ANO1: variants seen among roughly 807,000 people sequenced by gnomAD.
The protein encoded by ANO1 is anoctamin 1.
A neutral mutation model predicts 124.0 loss-of-function variants in ANO1; 59 were observed. The ratio of observed to expected loss-of-function variants is 0.48; its 90% CI spans 0.39 to 0.59. ANO1 has a LOEUF of 0.59. Ranked by LOEUF, ANO1 falls within the 20% of genes least tolerant of loss-of-function variation. ANO1 has a pLI of 0.00. For missense variants in ANO1, 1,059 were observed against 1,328.0 expected (o/e 0.80, Z 3.15); for synonymous variants, 529 against 532.0 (o/e 0.99, Z 0.08).
intron 1 of ANO1, among the ~76,000 whole-genome samples, chr11:70,005,028 G>T (rs945912764): frequency 6.6e-6 from 1 of 151,360 alleles, no homozygotes; most frequent in Non-Finnish European, 1.5e-5. Context: ...CAGGAGAATT[G>T]CTAGAACCTG....
At chr11:70,006,181 A>T (rs1554999994) in intron 1 of ANO1, among the ~76,000 whole-genome samples, 1 of 152,106 alleles carries the variant, frequency 6.6e-6, no homozygotes, top group African/African-American at 2.4e-5. Context: ...CTGCAAGCCA[A>T]TTTCCCCACT....
At chr11:70,013,499 G>A (rs953356296) in intron 1 of ANO1, among the ~76,000 whole-genome samples, 2 of 152,114 alleles carry the variant, frequency 1.3e-5, no homozygotes, top group South Asian at 2.1e-4. Context: ...TCAGCTGGGC[G>A]TGGTGACTTA....
At chr11:69,991,951 C>T (rs758001547) in intron 1 of ANO1, among the ~76,000 whole-genome samples, 5 of 152,246 alleles carry the variant, frequency 3.3e-5, no homozygotes, top group Admixed American at 6.5e-5. Flanking sequence ...TGATGCCATG[C>T]GAGCTCAGCT....
rs186882590 is a variant in ANO1 at position 70,070,460 on chromosome 11, G to A, written c.59-8082G>A. Among the ~76,000 whole-genome samples the A allele has an allele frequency of 7.4e-4, 112 of 152,200 alleles. 1 individual carries two copies. Among genetic ancestry groups the A allele is most frequent in the African/African-American group, 2.5e-3 (104 of 41,540 alleles). On this transcript the variant is annotated intron_variant, in intron 1 of 27. Coordinates refer to the ANO1 transcript ENST00000531349. ...CACTTTGGGAGGCCAAGGTGGGCGG[G>A]TCACCTGAGGTCAGGAGTTCAAGAC...
upstream of ANO1, among the ~76,000 whole-genome samples, chr11:70,073,912 G>A (rs189878116): frequency 2.2e-4 from 30 of 134,036 alleles, no homozygotes; most frequent in African/African-American, 6.6e-4. Context: ...GGCAGTTTCC[G>A]AGCCCATGGA....
chr11:70,158,287 C>G (rs1221399063), intron 16 of ANO1, among the ~76,000 whole-genome samples: 1 of 152,208 alleles, frequency 6.6e-6, no homozygotes, highest in African/African-American at 2.4e-5. Flanking sequence ...CCCCCAAGTA[C>G]TCGGAGCCAG....
At chr11:70,097,424 G>A (rs1163510278) in intron 2 of ANO1, among the ~76,000 whole-genome samples, 1 of 152,220 alleles carries the variant, frequency 6.6e-6, no homozygotes, top group African/African-American at 2.4e-5. Context: ...GTGTGGACGT[G>A]ATCAGCAGTA....
At chr11:70,081,302 G>A (rs140964317) in intron 1 of ANO1, among the ~76,000 whole-genome samples, 4 of 152,290 alleles carry the variant, frequency 2.6e-5, no homozygotes, top group African/African-American at 9.6e-5. Flanking sequence ...TCCATGGTCT[G>A]GGATCTGTGT....
chr11:70,025,849 TG>T (rs1856891729), intron 1 of ANO1, among the ~76,000 whole-genome samples: 1 of 148,428 alleles, frequency 6.7e-6, no homozygotes, highest in Non-Finnish European at 1.5e-5. Flanking sequence ...ATGATGATGG[TG>T]GTGGTGATGG....
chr11:70,104,429 T>C (rs1204600686), intron 4 of ANO1, among the ~76,000 whole-genome samples: 1 of 152,084 alleles, frequency 6.6e-6, no homozygotes, highest in African/African-American at 2.4e-5. Flanking sequence ...AGACATGCCT[T>C]CCCACCCGCT....
chr11:70,000,121 T>C (rs1856353128), intron 1 of ANO1, among the ~76,000 whole-genome samples: 1 of 152,192 alleles, frequency 6.6e-6, no homozygotes, highest in African/African-American at 2.4e-5. Context: ...GTGAGGTCAC[T>C]TTTTGGATGG....
intron 2 of ANO1, among the ~76,000 whole-genome samples, chr11:70,090,133 G>C (rs1315278698): frequency 6.6e-6 from 1 of 152,134 alleles, no homozygotes; most frequent in Non-Finnish European, 1.5e-5. Flanking sequence ...GCCTTCTCCT[G>C]CCTCAGCGGG....
At chr11:70,029,205 C>G (rs1555003534) in intron 1 of ANO1, among the ~76,000 whole-genome samples, 1 of 152,218 alleles carries the variant, frequency 6.6e-6, no homozygotes, top group Non-Finnish European at 1.5e-5. Flanking sequence ...ACGAGCAGAG[C>G]CTTCCATGCC....
Position 70,161,007 on chromosome 11 carries a change from T to C in ANO1, c.1579-154T>C, listed in dbSNP as rs75066013. ...GGTGGGTTAATGCACAGAAAGCCCCTGGCATTTGGCAGGTGCCCAAGAAAT... is the reference window on the plus strand; with the variant it reads ...GGTGGGTTAATGCACAGAAAGCCCCCGGCATTTGGCAGGTGCCCAAGAAAT... On this transcript the variant is annotated intron_variant, in intron 16 of 25. Transcript: ENST00000355303. 3.7e-3 allele frequency among the ~76,000 whole-genome samples: 567 copies of C among 152,348 alleles called. 6 individuals carry two copies. Among genetic ancestry groups the C allele is most frequent in the African/African-American group, 0.013 (542 of 41,592 alleles).
chr11:70,102,065 A>C (rs1029019227), intron 2 of ANO1, among the ~76,000 whole-genome samples: 2 of 152,228 alleles, frequency 1.3e-5, no homozygotes, highest in Non-Finnish European at 2.9e-5. Flanking sequence ...GGCTGCAAAG[A>C]TGCTGCTCAT....
At chr11:70,096,050 T>C (rs2044941463) in intron 2 of ANO1, among the ~76,000 whole-genome samples, 1 of 152,234 alleles carries the variant, frequency 6.6e-6, no homozygotes, top group African/African-American at 2.4e-5. Context: ...GTGGGCCGAT[T>C]TCTATCTCGG....
At position 70,116,514 on chromosome 11, in the gene ANO1, C is replaced by T. The variant is rs373500767; in HGVS notation, c.897+15C>T. 2.6e-5 allele frequency: 42 copies of T among 1,585,676 alleles called. No individual in the cohort carries two copies. The highest frequency in any genetic ancestry group is 1.2e-4 in the South Asian group (10 of 86,638). On this transcript the variant is annotated intron_variant, in intron 8 of 25. Transcript: ENST00000355303. ...ACGACAGAAAAGTAAGTTGATGGAG[C>T]GGAGCAGGAGGTGGCTCTGTCAGAG...
intron 22 of ANO1, among the ~76,000 whole-genome samples, chr11:70,171,291 A>G (rs1169502920): frequency 1.3e-5 from 2 of 152,118 alleles, no homozygotes. Flanking sequence ...GGTCCCAGAC[A>G]TCTGAATGTC....
intron 11 of ANO1, among the ~76,000 whole-genome samples, chr11:70,148,961 G>A (rs1222409294): frequency 6.6e-6 from 1 of 152,172 alleles, no homozygotes; most frequent in East Asian, 1.9e-4. Context: ...TGAAGGAGGC[G>A]GCATTTGAAC....
Sources: gnomAD v4.1 joint callset for allele counts (sites outside exome capture counted in the v4.1 genomes callset) on GRCh38, gnomAD v4.1.1 for gene constraint, MANE v1.5 for transcripts, NCBI Gene and HGNC (gene_info 2026-07-23, HGNC 2026-07-21) for gene names.